The following FGD6 variants were observed in gnomAD, a reference collection of about 807,000 sequenced individuals.
The protein encoded by FGD6 is FYVE, RhoGEF and PH domain-containing protein 6.
FGD6 carries 90 observed loss-of-function variants against 149.4 expected under a neutral mutation model. That is an observed-to-expected ratio of 0.60 (90% CI 0.51 to 0.72). FGD6 has a LOEUF of 0.72. FGD6 is among the 30% of genes least tolerant of loss of function. The pLI is 0.00. For missense variants in FGD6, 1,437 were observed against 1,684.8 expected, an observed-to-expected ratio of 0.85 and a Z score of 2.57; for synonymous variants, 527 against 584.0, an observed-to-expected ratio of 0.90 and a Z score of 1.41.
rs1878650540 is a variant in FGD6 at position 95,107,012 on chromosome 12, G to A, written c.3359C>T (p.Thr1120Ile). 2 of 1,613,286 alleles carry A rather than the reference G, an allele frequency of 1.2e-6. No individual in the cohort carries two copies. Among genetic ancestry groups the A allele is most frequent in the Non-Finnish European group, 1.7e-6 (2 of 1,179,674 alleles). Residue 1120 changes from threonine to isoleucine, a missense_variant, in exon 13 of 21, where the codon ACA becomes ATA. Physicochemically the swap from Thr to Ile is moderately conservative, Grantham distance 89. Transcript: ENST00000343958. ...FLFNDALLYT[T>I]PVQSGMYKLN... ...TTTATACATCCCAGACTGCACTGGT[G>A]TTGTATACAGCAGGGCATCATTAAA... is the stretch of plus-strand genomic sequence containing the variant.
intron 3 of FGD6, among the ~76,000 whole-genome samples, chr12:95,157,161 C>T (rs759414504): frequency 2.0e-5 from 3 of 152,186 alleles, no homozygotes; most frequent in Non-Finnish European, 4.4e-5. Context: ...CTTCCTCTGA[C>T]AGAAGTAGCC....
At position 95,153,864 on chromosome 12, in the gene FGD6, T is replaced by C. The variant is rs377224400; in HGVS notation, c.2587-871A>G. 1.4e-4 allele frequency among the ~76,000 whole-genome samples: 21 copies of C among 151,996 alleles called. No individual in the cohort carries two copies. The East Asian group carries it at 1.5e-3, about 11-fold the overall frequency. On this transcript the variant is annotated intron_variant, in intron 3 of 20. Coordinates refer to ENST00000343958, the MANE Select transcript of FGD6 (RefSeq NM_018351.4). The stretch of plus-strand genomic sequence containing the variant: ...TTCCTTAAAATCCCTTTTAGATATA[T>C]GCTTAGAGAGTCAAGGCAGTTTTAT...
At chr12:95,168,026 A>T (rs1880873893) in intron 3 of FGD6, among the ~76,000 whole-genome samples, 1 of 150,378 alleles carries the variant, frequency 6.6e-6, no homozygotes, top group Non-Finnish European at 1.5e-5. Flanking sequence ...TGACAACCTG[A>T]TTTCTTTAAA....
At chr12:95,138,246 A>AACTAACTC (rs1879736795) in intron 6 of FGD6, among the ~76,000 whole-genome samples, 1 of 143,778 alleles carries the variant, frequency 7.0e-6, no homozygotes, top group African/African-American at 2.5e-5. Context: ...ATAAATAAAT[A>AACTAACTC]ACTCACTCAC....
intron 5 of FGD6, among the ~76,000 whole-genome samples, chr12:95,144,775 C>T (rs968761423): frequency 2.7e-5 from 4 of 149,046 alleles, no homozygotes; most frequent in African/African-American, 9.9e-5. Flanking sequence ...GCAACCTCCA[C>T]CTCCCGAGTT....
intron 3 of FGD6, among the ~76,000 whole-genome samples, chr12:95,153,966 C>CAG (rs1310650746): frequency 1.6e-4 from 21 of 130,866 alleles, no homozygotes; most frequent in Admixed American, 5.3e-4. Flanking sequence ...AGAGAAGAGA[C>CAG]AGAGAGAGAG....
intron 3 of FGD6, among the ~76,000 whole-genome samples, chr12:95,161,572 T>C (rs1457034283): frequency 6.6e-6 from 1 of 152,210 alleles, no homozygotes; most frequent in Non-Finnish European, 1.5e-5. Context: ...AGGCTTGTAG[T>C]CCTCAAATTT....
intron 8 of FGD6, among the ~76,000 whole-genome samples, chr12:95,121,464 GATATATATATATATATGTAT>G (rs1879184065): frequency 5.6e-5 from 4 of 71,306 alleles, no homozygotes; most frequent in African/African-American, 2.1e-4. Flanking sequence ...AAAAAAAAAA[GATATATATATATATATGTAT>G]ATATATATAT....
At chr12:95,180,372 A>AT (rs5800188) in intron 2 of FGD6, among the ~76,000 whole-genome samples, 75 of 112,314 alleles carry the variant, frequency 6.7e-4, no homozygotes, top group Non-Finnish European at 8.1e-4. Context: ...TAAAAGACAG[A>AT]TTTTTTTTTT....
chr12:95,199,428 G>A (rs1204207246), intron 2 of FGD6, among the ~76,000 whole-genome samples: 1 of 151,648 alleles, frequency 6.6e-6, no homozygotes, highest in Non-Finnish European at 1.5e-5. Context: ...CTTACCCCCA[G>A]ACTTCTAAAA....
At chr12:95,136,113 A>G (rs1034682846) in intron 7 of FGD6, among the ~76,000 whole-genome samples, 1 of 152,178 alleles carries the variant, frequency 6.6e-6, no homozygotes, top group South Asian at 2.1e-4. Context: ...TAATCCCAGC[A>G]CTTTGAGAGG....
Position 95,088,308 on chromosome 12 carries a change from A to C in FGD6, c.3978+1261T>G, listed in dbSNP as rs75726015. On this transcript the variant is annotated intron_variant, in intron 18 of 20. Coordinates refer to ENST00000343958, the MANE Select transcript of FGD6 (RefSeq NM_018351.4). Reference sequence around the variant, plus strand: ...TGTATACTGCTCAGGTGATGGGTGCACTAAAATCTTAGACTTTACCATTAT... The same window carrying C: ...TGTATACTGCTCAGGTGATGGGTGCCCTAAAATCTTAGACTTTACCATTAT... 4.3e-3 allele frequency among the ~76,000 whole-genome samples: 660 copies of C among 152,286 alleles called. 41 individuals are homozygous for C. In the East Asian group the frequency reaches 0.11, roughly 26 times the overall value.
intron 5 of FGD6, 54 bp from the exon 6 acceptor site, chr12:95,141,593 A>G: frequency 6.3e-7 from 1 of 1,595,468 alleles, no homozygotes; most frequent in Admixed American, 1.7e-5. Context: ...CTTGATAACA[A>G]GCTTTTATCC....
chr12:95,104,976 A>C (rs1280608626), intron 14 of FGD6, 31 bp downstream of exon 14: 2 of 1,512,210 alleles, frequency 1.3e-6, no homozygotes, highest in Non-Finnish European at 1.8e-6. Context: ...AATGAGAAAA[A>C]AAAAAAAAAA....
intron 8 of FGD6, among the ~76,000 whole-genome samples, chr12:95,132,329 T>C (rs963836455): frequency 1.3e-5 from 2 of 152,342 alleles, no homozygotes; most frequent in Admixed American, 1.3e-4. Flanking sequence ...TCTATTTTAG[T>C]AAAGAGAGTT....
chr12:95,090,981 A>G (rs957974529), intron 17 of FGD6, among the ~76,000 whole-genome samples: 4 of 152,210 alleles, frequency 2.6e-5, no homozygotes, highest in Non-Finnish European at 1.5e-5. Context: ...GCGTGCCCGT[A>G]ATCCCAGCTA....
intron 8 of FGD6, among the ~76,000 whole-genome samples, chr12:95,129,081 G>T (rs1879434258): frequency 6.6e-6 from 1 of 151,492 alleles, no homozygotes; most frequent in African/African-American, 2.4e-5. Context: ...GCTATAAAAT[G>T]GCGTGAGTTT....
intron 9 of FGD6, among the ~76,000 whole-genome samples, chr12:95,113,302 G>A (rs542342011): frequency 2.0e-5 from 3 of 148,062 alleles, no homozygotes; most frequent in Admixed American, 6.9e-5. Flanking sequence ...GCGCTATCTC[G>A]GCTCACTGCA....
intron 2 of FGD6, among the ~76,000 whole-genome samples, chr12:95,179,307 C>G (rs1399097047): frequency 6.6e-6 from 1 of 151,334 alleles, no homozygotes; most frequent in Non-Finnish European, 1.5e-5. Flanking sequence ...CGAGACCGGC[C>G]TGGGCAACAC....
Sources: gnomAD v4.1 joint callset for allele counts (sites outside exome capture counted in the v4.1 genomes callset) on GRCh38, gnomAD v4.1.1 for gene constraint, MANE v1.5 for transcripts, NCBI Gene and HGNC (gene_info 2026-07-23, HGNC 2026-07-21) for gene names.